CFAP95: variants seen among roughly 807,000 people sequenced by gnomAD.
The protein encoded by CFAP95 is cilia and flagella associated protein 95.
chr9:69,857,780 G>A, the CFAP95 span: 48 of 706,144 alleles, frequency 6.8e-5, no homozygotes, highest in African/African-American at 5.2e-4. Context: ...CTCCCGTCTC[G>A]GCCTCCCAAA....
the CFAP95 span, among the ~76,000 whole-genome samples, chr9:69,837,665 T>C: frequency 2.0e-5 from 3 of 152,232 alleles, no homozygotes; most frequent in East Asian, 1.9e-4. Flanking sequence ...TGAAAATTGT[T>C]TCCCATTTTG....
chr9:69,890,744 T>C, the CFAP95 span, among the ~76,000 whole-genome samples: 1 of 152,378 alleles, frequency 6.6e-6, no homozygotes, highest in East Asian at 1.9e-4. Flanking sequence ...TCAAATGTTG[T>C]GCATAAATTG....
the CFAP95 span, among the ~76,000 whole-genome samples, chr9:69,852,134 G>T: frequency 6.6e-6 from 1 of 151,780 alleles, no homozygotes; most frequent in Non-Finnish European, 1.5e-5. Context: ...TCTTTGTGAT[G>T]ATTTTAAAAG....
the CFAP95 span, among the ~76,000 whole-genome samples, chr9:69,821,506 G>A: frequency 6.6e-6 from 1 of 152,132 alleles, no homozygotes; most frequent in Non-Finnish European, 1.5e-5. Context: ...TCTGACACAG[G>A]CACTTACTCA....
chr9:69,880,537 C>T, the CFAP95 span, among the ~76,000 whole-genome samples: 495 of 152,320 alleles, frequency 3.2e-3, 5 homozygotes, highest in African/African-American at 0.011. Context: ...ATAAGTACCA[C>T]ATTTTCTCTA....
the CFAP95 span, among the ~76,000 whole-genome samples, chr9:69,872,272 A>G: frequency 1.3e-5 from 2 of 152,362 alleles, no homozygotes; most frequent in African/African-American, 2.4e-5. Context: ...ACTTTCACAC[A>G]CATTATCCGT....
the CFAP95 span, among the ~76,000 whole-genome samples, chr9:69,903,030 G>A: frequency 6.6e-6 from 1 of 152,082 alleles, no homozygotes; most frequent in East Asian, 1.9e-4. Flanking sequence ...GCTCAAACTG[G>A]GTCAGACTAT....
At chr9:69,821,144 C>A in the CFAP95 span, 3 of 1,189,358 alleles carry the variant, frequency 2.5e-6, no homozygotes, top group South Asian at 1.8e-5. Context: ...GTGGAGACGA[C>A]AGAGGAAACG....
At chr9:69,901,142 G>GTT in the CFAP95 span, among the ~76,000 whole-genome samples, 4,627 of 142,722 alleles carry the variant, frequency 0.032, 250 homozygotes, top group African/African-American at 0.11. Context: ...TTTGGTTTTG[G>GTT]TTTTTTTTTT....
the CFAP95 span, among the ~76,000 whole-genome samples, chr9:69,876,931 A>G: frequency 3.2e-3 from 493 of 152,292 alleles, 5 homozygotes; most frequent in African/African-American, 0.011. Flanking sequence ...CACTGCACCC[A>G]GCCTTTTGGT....
the CFAP95 span, among the ~76,000 whole-genome samples, chr9:69,869,553 C>A: frequency 6.6e-6 from 1 of 152,090 alleles, no homozygotes; most frequent in Non-Finnish European, 1.5e-5. Context: ...TTATAGTTGA[C>A]TATAATGTGT....
At chr9:69,843,721 T>G in the CFAP95 span, among the ~76,000 whole-genome samples, 1 of 149,976 alleles carries the variant, frequency 6.7e-6, no homozygotes. Flanking sequence ...CATGGCTGAC[T>G]GCAGCCTTGA....
chr9:69,865,138 C>T, the CFAP95 span, among the ~76,000 whole-genome samples: 3 of 152,106 alleles, frequency 2.0e-5, no homozygotes, highest in East Asian at 5.8e-4. Context: ...TTTATAAGGG[C>T]CTTTTCCCCC....
At chr9:69,896,037 A>G in the CFAP95 span, among the ~76,000 whole-genome samples, 2 of 152,058 alleles carry the variant, frequency 1.3e-5, no homozygotes, top group East Asian at 3.8e-4. Flanking sequence ...GAGATATTTT[A>G]TTTTCTTCTT....
chr9:69,847,648 C>T, the CFAP95 span, among the ~76,000 whole-genome samples: 6 of 152,158 alleles, frequency 3.9e-5, no homozygotes, highest in Non-Finnish European at 7.4e-5. Context: ...AACTTCTGTC[C>T]TATTTCCTGA....
the CFAP95 span, among the ~76,000 whole-genome samples, chr9:69,886,600 GGGT>G: frequency 1.3e-5 from 2 of 152,058 alleles, no homozygotes; most frequent in Non-Finnish European, 2.9e-5. Flanking sequence ...ATCCACTTAG[GGGT>G]CTTGGAACAT....
the CFAP95 span, among the ~76,000 whole-genome samples, chr9:69,871,430 T>A: frequency 6.6e-6 from 1 of 152,012 alleles, no homozygotes; most frequent in Non-Finnish European, 1.5e-5. Flanking sequence ...GTAGGAATAA[T>A]CAGATTTGTG....
chr9:69,839,675 C>T, the CFAP95 span, among the ~76,000 whole-genome samples: 3 of 151,196 alleles, frequency 2.0e-5, no homozygotes, highest in Admixed American at 1.3e-4. Context: ...GATCCGCCTG[C>T]CTCAGCCTCC....
At chr9:69,870,140 T>C in the CFAP95 span, among the ~76,000 whole-genome samples, 345 of 152,286 alleles carry the variant, frequency 2.3e-3, 1 homozygote, top group Middle Eastern at 0.017. Context: ...TTTTAAAAAC[T>C]ATTAGGTCTG....
Sources: allele counts gnomAD v4.1 joint callset (sites outside exome capture counted in the v4.1 genomes callset), GRCh38; gene constraint gnomAD v4.1.1; transcripts MANE v1.5; gene names NCBI Gene and HGNC (gene_info 2026-07-23, HGNC 2026-07-21).